Variants in SERINC5 observed in about 807,000 individuals in gnomAD.
SERINC5 encodes the protein chromosome 5 open reading frame 12.
In SERINC5, 41 loss-of-function variants were observed where a neutral mutation model predicts 63.1. The ratio of observed to expected loss-of-function variants is 0.65; its 90% CI spans 0.51 to 0.84. SERINC5 has a LOEUF of 0.84. Ranked by LOEUF, SERINC5 falls within the 40% of genes least tolerant of loss-of-function variation. SERINC5 has a pLI of 0.00. For missense variants in SERINC5, 523 were observed against 573.0 expected (o/e 0.91, Z 0.89); for synonymous variants, 222 against 215.2 (o/e 1.03, Z -0.28).
intron 5 of SERINC5, among the ~76,000 whole-genome samples, chr5:80,171,317 G>C (rs1454805405): frequency 6.6e-6 from 1 of 152,030 alleles, no homozygotes; most frequent in Admixed American, 6.6e-5. Flanking sequence ...CTAAATGTTT[G>C]ATAATAATAA....
At chr5:80,252,671 T>C (rs1752483852) in intron 1 of SERINC5, among the ~76,000 whole-genome samples, 1 of 152,206 alleles carries the variant, frequency 6.6e-6, no homozygotes, top group African/African-American at 2.4e-5. Flanking sequence ...TTCCTCACAC[T>C]CTGCCAAATC....
intron 9 of SERINC5, among the ~76,000 whole-genome samples, chr5:80,149,553 C>T (rs961332340): frequency 2.0e-5 from 3 of 152,160 alleles, no homozygotes; most frequent in Non-Finnish European, 2.9e-5. Context: ...ACCAGCTGCC[C>T]GCAGTCAGCA....
At chr5:80,165,641 G>T (rs1054075302) in intron 7 of SERINC5, among the ~76,000 whole-genome samples, 2 of 152,112 alleles carry the variant, frequency 1.3e-5, no homozygotes, top group Non-Finnish European at 2.9e-5. Flanking sequence ...CATTTAAGAC[G>T]AGTGGTTTGA....
chr5:80,219,078 A>G (rs927600803), intron 1 of SERINC5, among the ~76,000 whole-genome samples: 4 of 152,256 alleles, frequency 2.6e-5, no homozygotes, highest in African/African-American at 9.6e-5. Flanking sequence ...TTAGAAAACA[A>G]AATGTCAGAC....
At chr5:80,149,256 C>G (rs1201265143) in intron 9 of SERINC5, among the ~76,000 whole-genome samples, 1 of 152,202 alleles carries the variant, frequency 6.6e-6, no homozygotes, top group Non-Finnish European at 1.5e-5. Flanking sequence ...AGCAGGTGGT[C>G]ACCTAGTCAA....
In SERINC5 at chr5:80,147,240, C is replaced by T; in HGVS notation, c.1093+5G>A. 1 of 1,599,460 alleles carries T rather than the reference C, an allele frequency of 6.3e-7. No homozygotes were observed. The highest frequency in any genetic ancestry group is 8.5e-7 in the Non-Finnish European group (1 of 1,173,412). ...AGGTGCAAAGAATAAAAGCGCTCTGCTTACCCTCTCCACCAGGACTGAAGC... is the reference window on the plus strand; with the variant it reads ...AGGTGCAAAGAATAAAAGCGCTCTGTTTACCCTCTCCACCAGGACTGAAGC... On this transcript the variant is annotated splice_donor_5th_base_variant and intron_variant, in intron 10 of 11. Coordinates refer to ENST00000507668, the MANE Select transcript of SERINC5 (RefSeq NM_001174072.3).
intron 1 of SERINC5, among the ~76,000 whole-genome samples, chr5:80,246,249 C>T (rs1410575322): frequency 6.6e-6 from 1 of 152,062 alleles, no homozygotes; most frequent in African/African-American, 2.4e-5. Context: ...ATCAGCCCTC[C>T]ATTAAATTGC....
intron 2 of SERINC5, among the ~76,000 whole-genome samples, chr5:80,189,764 T>C (rs1263586621): frequency 6.6e-6 from 1 of 152,162 alleles, no homozygotes; most frequent in African/African-American, 2.4e-5. Context: ...CAGGCTGGAG[T>C]GCAGTGGCAC....
intron 6 of SERINC5, among the ~76,000 whole-genome samples, chr5:80,167,968 T>A (rs1417355137): frequency 1.3e-5 from 2 of 152,228 alleles, no homozygotes; most frequent in African/African-American, 4.8e-5. Flanking sequence ...AATGTTGCTC[T>A]TTGGCAAGGG....
chr5:80,137,152 A>AC (rs201213458), downstream of SERINC5, among the ~76,000 whole-genome samples: 671 of 142,104 alleles, frequency 4.7e-3, 8 homozygotes, highest in African/African-American at 0.016. Context: ...AAAAAAAAAA[A>AC]AAAAAAAAAA....
At chr5:80,160,018 C>T (rs1439336095) in intron 7 of SERINC5, among the ~76,000 whole-genome samples, 4 of 152,112 alleles carry the variant, frequency 2.6e-5, no homozygotes, top group African/African-American at 7.2e-5. Flanking sequence ...TAATCCATCC[C>T]AAAGAAGGGG....
At chr5:80,179,645 A>T (rs1331004002) in intron 2 of SERINC5, among the ~76,000 whole-genome samples, 1 of 152,216 alleles carries the variant, frequency 6.6e-6, no homozygotes, top group Admixed American at 6.5e-5. Flanking sequence ...TTGGGACCAG[A>T]AGTCTTTCAG....
chr5:80,247,478 C>T (rs758063122), intron 1 of SERINC5, among the ~76,000 whole-genome samples: 1 of 152,184 alleles, frequency 6.6e-6, no homozygotes, highest in Non-Finnish European at 1.5e-5. Flanking sequence ...CTCTCCTCAA[C>T]CGTGCCTACA....
intron 7 of SERINC5, among the ~76,000 whole-genome samples, chr5:80,164,341 G>A (rs1271510417): frequency 6.6e-6 from 1 of 151,078 alleles, no homozygotes; most frequent in Admixed American, 6.6e-5. Flanking sequence ...GTTTTTTTGG[G>A]GGGGAGGGGG....
intron 8 of SERINC5, among the ~76,000 whole-genome samples, chr5:80,153,402 A>G (rs1420523568): frequency 6.8e-6 from 1 of 146,326 alleles, no homozygotes; most frequent in Non-Finnish European, 1.5e-5. Context: ...ATGTTGCAGG[A>G]AAAAAAAAAA....
chr5:80,210,983 C>A (rs1342735655), intron 1 of SERINC5, among the ~76,000 whole-genome samples: 2 of 152,224 alleles, frequency 1.3e-5, no homozygotes, highest in African/African-American at 4.8e-5. Context: ...TGAGTACCAT[C>A]TGCCACAGGC....
At chr5:80,247,746 A>T (rs1432604675) in intron 1 of SERINC5, among the ~76,000 whole-genome samples, 1 of 152,106 alleles carries the variant, frequency 6.6e-6, no homozygotes, top group Non-Finnish European at 1.5e-5. Context: ...GTCCCTCCTT[A>T]CCCAAGGAGG....
intron 1 of SERINC5, among the ~76,000 whole-genome samples, chr5:80,229,437 T>C (rs1751342890): frequency 6.6e-6 from 1 of 151,358 alleles, no homozygotes; most frequent in Non-Finnish European, 1.5e-5. Flanking sequence ...CCTTTAAAGT[T>C]ATTGAGTAAC....
intron 1 of SERINC5, among the ~76,000 whole-genome samples, chr5:80,234,842 C>A (rs571809108): frequency 2.6e-5 from 4 of 152,202 alleles, no homozygotes; most frequent in Admixed American, 2.0e-4. Context: ...TGTTCTTTAA[C>A]CTCCTCTTTT....
Sources: gnomAD v4.1 joint callset for allele counts (sites outside exome capture counted in the v4.1 genomes callset) on GRCh38, gnomAD v4.1.1 for gene constraint, MANE v1.5 for transcripts, NCBI Gene and HGNC (gene_info 2026-07-23, HGNC 2026-07-21) for gene names.